Variants in IL9R observed in about 807,000 individuals in gnomAD.
IL9R encodes interleukin-9 receptor.
In IL9R, 54 loss-of-function variants were observed where a neutral mutation model predicts 56.3. That is an observed-to-expected ratio of 0.96 (90% CI 0.77 to 1.20). IL9R has a LOEUF of 1.20. Among genes scored for constraint, IL9R ranks in the 50% most tolerant of loss-of-function variants. The probability of loss-of-function intolerance (pLI) is 0.00; values close to 1 mark genes in which losing one functional copy is unlikely to be tolerated. For synonymous variants in IL9R, 212 were observed against 250.2 expected (o/e 0.85, Z 1.44); for missense variants, 545 against 629.8 (o/e 0.87, Z 1.44).
chrX:156,004,067 C>T (rs1249125050), intron 4 of IL9R, among the ~76,000 whole-genome samples: 3 of 152,170 alleles, frequency 2.0e-5, no homozygotes, highest in Non-Finnish European at 4.4e-5. Flanking sequence ...AGGAAATAAA[C>T]ATGCACGGCT....
In IL9R at chrX:156,001,307, C is replaced by A; in HGVS notation, c.29-1599C>A. The A allele has an allele frequency of 4.7e-6, 4 of 842,466 alleles. No homozygotes were observed. In the South Asian group the frequency reaches 5.4e-5, roughly 11 times the overall value. 52.2% of individuals were successfully genotyped at this position (842,466 alleles called of 1,614,324 possible). A position where few individuals can be genotyped will look rare whatever the true frequency, so the allele number is the denominator to read the frequency against. On this transcript the variant is annotated intron_variant, in intron 1 of 8. Transcript: ENST00000244174. ...GGCCTGGGTCAGCTCTCAGCTGTGG[C>A]CGTTGTGCCTGTGCTTCCCCAGGTC...
intron 1 of IL9R, among the ~76,000 whole-genome samples, chrX:156,001,159 T>C (rs2067494505): frequency 6.6e-6 from 1 of 152,162 alleles, no homozygotes; most frequent in African/African-American, 2.4e-5. Context: ...CTGCTGAGCT[T>C]GGAGCCATCC....
Position 156,004,520 on chromosome X carries a change from T to G in IL9R, c.534T>G (p.Leu178=). 1 of 1,613,422 alleles carries G rather than the reference T, an allele frequency of 6.2e-7. No homozygotes were observed. Among genetic ancestry groups the G allele is most frequent in the Non-Finnish European group, 8.5e-7 (1 of 1,179,848 alleles). ...ISPALEPMTT[L]LSYELAFKKQ... ...CTGCCTTGGAGCCAATGACCACACT[T>G]CTCAGCTATGAGCTGGCCTTCAAGA... The change falls in exon 5 of 9, where the codon CTT becomes CTG. Residue 178 remains leucine, a synonymous_variant. Coordinates refer to ENST00000244174, the MANE Select transcript of IL9R (RefSeq NM_002186.3).
At chrX:156,009,051 C>CTG (rs1245402314) in intron 8 of IL9R, among the ~76,000 whole-genome samples, 2 of 99,326 alleles carry the variant, frequency 2.0e-5, no homozygotes, top group African/African-American at 8.8e-5. Context: ...GTGTTTGTGT[C>CTG]TGTGTGTGTT....
Position 156,009,082 on chromosome X carries a change from T to G in IL9R, c.973-734T>G, listed in dbSNP as rs866357124. Among the ~76,000 whole-genome samples the G allele has an allele frequency of 6.8e-3, 1,016 of 148,696 alleles. 8 individuals are homozygous for G. The highest frequency in any genetic ancestry group is 0.025 in the African/African-American group (966 of 38,844). ...GTGTTTGTGTGTGTGTCTGTGTGTG[T>G]TTGTGTGTGTGTGTCTGTGTGTGTG... On this transcript the variant is annotated intron_variant, in intron 8 of 8. Coordinates refer to ENST00000244174, the MANE Select transcript of IL9R (RefSeq NM_002186.3).
rs1234633322 is a variant in IL9R, at chrX:156,003,037, A to C, written c.142+18A>C. ...AGGACAAGGTGAGGGCTGGGCACTAATGTCTGTATGAGGTGGGTGGAGAAC... is the reference window on the plus strand; with the variant it reads ...AGGACAAGGTGAGGGCTGGGCACTACTGTCTGTATGAGGTGGGTGGAGAAC... On this transcript the variant is annotated intron_variant, in intron 2 of 8. Transcript: ENST00000244174. The C allele has an allele frequency of 4.3e-6, 7 of 1,613,516 alleles. No individual in the cohort carries two copies. The highest frequency in any genetic ancestry group is 5.1e-6 in the Non-Finnish European group (6 of 1,179,774).
chrX:156,009,391 GTGTGTGTGTCTC>G (rs1463017043), intron 8 of IL9R, among the ~76,000 whole-genome samples: 2 of 149,708 alleles, frequency 1.3e-5, no homozygotes, highest in African/African-American at 2.5e-5. Flanking sequence ...GTGTTTGTGT[GTGTGTGTGTCTC>G]TGTGTGTGTG....
chrX:155,999,054 G>A (rs1272438403), intron 1 of IL9R, among the ~76,000 whole-genome samples: 1 of 152,120 alleles, frequency 6.6e-6, no homozygotes, highest in Non-Finnish European at 1.5e-5. Context: ...CAGAAGGAGA[G>A]TTGCCTGTGC....
At chrX:156,006,248 G>C (rs1190905841) in intron 7 of IL9R, 60 bp downstream of exon 7, 4 of 730,780 alleles carry the variant, frequency 5.5e-6, no homozygotes, top group Non-Finnish European at 9.5e-6. Flanking sequence ...GTGCATGTTA[G>C]TGTATGTGTG....
At chrX:155,998,943 G>A (rs144187428) in intron 1 of IL9R, among the ~76,000 whole-genome samples, 23 of 152,058 alleles carry the variant, frequency 1.5e-4, no homozygotes, top group East Asian at 3.9e-4. Context: ...TCATTTTCCC[G>A]TCTCACCTCC....
At chrX:156,000,962 A>G (rs3093479) in intron 1 of IL9R, among the ~76,000 whole-genome samples, 18,712 of 152,062 alleles carry the variant, frequency 0.12, 1,653 homozygotes, top group East Asian at 0.45. Context: ...GAGGGTGGTG[A>G]CCCTGCCCTG....
At chrX:156,009,272 G>T (rs1361688750) in intron 8 of IL9R, among the ~76,000 whole-genome samples, 3 of 119,648 alleles carry the variant, frequency 2.5e-5, no homozygotes, top group African/African-American at 7.9e-5. Flanking sequence ...GTGTTTGTGT[G>T]TGTATGTCTG....
chrX:155,997,712 T>C lies in IL9R; in HGVS notation c.-48T>C. On this transcript the variant is annotated 5_prime_UTR_variant, in exon 1 of 9. Transcript: ENST00000244174. ...AGGGTCTTTGCTGTGCACCCAGAGATAGTTGGGTGACAAATCACCTCCAGG... is the reference window on the plus strand; with the variant it reads ...AGGGTCTTTGCTGTGCACCCAGAGACAGTTGGGTGACAAATCACCTCCAGG... The C allele has an allele frequency of 1.2e-6, 2 of 1,600,548 alleles. No individual in the cohort carries two copies. The highest frequency in any genetic ancestry group is 1.7e-6 in the Non-Finnish European group (2 of 1,167,664).
rs1444506972 is a variant in IL9R, at chrX:156,009,057, GTGTT to G, written c.973-755_973-752del. On this transcript the variant is annotated intron_variant, in intron 8 of 8. Coordinates refer to ENST00000244174, the MANE Select transcript of IL9R (RefSeq NM_002186.3). ...TATCTGTGTGTGTTTGTGTCTGTGT[GTGTT>G]TGTGTGTGTGTCTGTGTGTGTTTGT... 7.0e-3 allele frequency among the ~76,000 whole-genome samples: 1,038 copies of G among 149,230 alleles called. 5 individuals are homozygous for G. Among genetic ancestry groups the G allele is most frequent in the African/African-American group, 0.025 (975 of 39,016 alleles).
rs1283517789 is a variant in IL9R at position 156,009,817 on chromosome X, C to G, written c.974C>G (p.Thr325Ser). 11 of 1,389,200 alleles carry G rather than the reference C, an allele frequency of 7.9e-6. 1 individual carries two copies. The highest frequency in any genetic ancestry group is 1.0e-5 in the Non-Finnish European group (11 of 1,062,596). 86.1% of individuals were successfully genotyped at this position (1,389,200 alleles called of 1,614,324 possible). The change falls in exon 9 of 9, where the codon ACT becomes AGT. Residue 325 changes from threonine to serine, a missense_variant and splice_region_variant. Coordinates refer to ENST00000244174, the MANE Select transcript of IL9R (RefSeq NM_002186.3). ...CCCTCCTCCCGTGCTCTGTTCCAGA[C>G]TTGGATGGGGGCCCACGGGGCCGGT... ...LYSVHNGNFQ[T>S]WMGAHGAGVL...
chrX:156,005,182 G>T, intron 5 of IL9R, 96 bp from the exon 6 acceptor site: 1 of 912,692 alleles, frequency 1.1e-6, no homozygotes, highest in Non-Finnish European at 1.8e-6. Flanking sequence ...GTGTTCAAGA[G>T]TGTGTTATAT....
chrX:156,007,104 G>A (rs2068023314), intron 7 of IL9R, among the ~76,000 whole-genome samples: 2 of 151,592 alleles, frequency 1.3e-5, no homozygotes, highest in Admixed American at 1.3e-4. Context: ...TGGAGCCCCA[G>A]GTGACATCCT....
At chrX:156,000,145 A>AAATAT (rs780163667) in intron 1 of IL9R, among the ~76,000 whole-genome samples, 3,715 of 144,056 alleles carry the variant, frequency 0.026, 98 homozygotes, top group Non-Finnish European at 0.029. Context: ...AAAAAAAAAA[A>AAATAT]ATATATATAT....
At chrX:156,008,194 C>T (rs1312806999) in intron 8 of IL9R, 1 of 157,274 alleles carries the variant, frequency 6.4e-6, no homozygotes, top group African/African-American at 2.5e-5. Context: ...TTCATGCCCC[C>T]TGGGTGGGAG....
Sources: allele counts gnomAD v4.1 joint callset (sites outside exome capture counted in the v4.1 genomes callset), GRCh38; gene constraint gnomAD v4.1.1; transcripts MANE v1.5; gene names NCBI Gene and HGNC (gene_info 2026-07-23, HGNC 2026-07-21).